XXYLT1: variants seen among roughly 807,000 people sequenced by gnomAD.
The protein encoded by XXYLT1 is UDP-xylose:alpha-xyloside alpha-1,3-xylosyltransferase.
XXYLT1 carries 20 observed loss-of-function variants against 28.9 expected under a neutral mutation model. The ratio of observed to expected loss-of-function variants is 0.69; its 90% CI spans 0.49 to 1.00. The LOEUF (loss-of-function observed/expected upper bound fraction) is 1.00, where lower values mean the gene tolerates loss of function less well. Among genes scored for constraint, XXYLT1 ranks in the 50% least tolerant of loss-of-function variants. The pLI, the probability that XXYLT1 is intolerant of heterozygous loss-of-function variation, is 0.00. For missense variants in XXYLT1, 542 were observed against 560.1 expected (o/e 0.97, Z 0.33); for synonymous variants, 257 against 253.8 (o/e 1.01, Z -0.12).
chr3:195,080,527 C>T, intron 3 of XXYLT1, among the ~76,000 whole-genome samples: 1 of 139,734 alleles, frequency 7.2e-6, no homozygotes, highest in African/African-American at 2.7e-5. Flanking sequence ...TCCTCTTTCC[C>T]TGAATTTAAG....
At chr3:195,134,864 TGTGTGCGTGTGCGCGC>T (rs1369598407) in intron 3 of XXYLT1, among the ~76,000 whole-genome samples, 2 of 93,124 alleles carry the variant, frequency 2.1e-5, no homozygotes, top group African/African-American at 1.0e-4. Context: ...TGTGTGTGTG[TGTGTGCGTGTGCGCGC>T]GTGCGCGCAC....
intron 3 of XXYLT1, among the ~76,000 whole-genome samples, chr3:195,084,061 A>G (rs913389930): frequency 6.6e-6 from 1 of 152,158 alleles, no homozygotes; most frequent in East Asian, 1.9e-4. Flanking sequence ...ATGGTCACAC[A>G]TTCTGCCTTT....
At chr3:195,070,828 C>G (rs1714762455) in intron 3 of XXYLT1, among the ~76,000 whole-genome samples, 1 of 152,086 alleles carries the variant, frequency 6.6e-6, no homozygotes, top group South Asian at 2.1e-4. Flanking sequence ...GGGTGAAAGA[C>G]AGCTGTAGAA....
intron 2 of XXYLT1, among the ~76,000 whole-genome samples, chr3:195,201,954 G>A (rs765862909): frequency 5.3e-5 from 8 of 152,206 alleles, no homozygotes; most frequent in African/African-American, 1.2e-4. Context: ...CAAGGTGGGC[G>A]GATCATGAGG....
In XXYLT1 at chr3:195,078,364, T is replaced by C. The variant is rs1366712101; in HGVS notation, c.786-8253A>G. On this transcript the variant is annotated intron_variant, in intron 3 of 3. Coordinates refer to ENST00000310380, the MANE Select transcript of XXYLT1 (RefSeq NM_152531.5). The surrounding 1 kb of genome is among the most constrained non-coding windows in gnomAD (Gnocchi z 5.0). ...CTCACACTGACAGCCGAGAGGCCCG[T>C]AGCGAGTCAGGCCATGGGGGCCTTT... is the stretch of plus-strand genomic sequence containing the variant. Among the ~76,000 whole-genome samples the C allele has an allele frequency of 6.6e-6, 1 of 152,048 alleles. No individual in the cohort carries two copies. Among genetic ancestry groups the C allele is most frequent in the Non-Finnish European group, 1.5e-5 (1 of 68,000 alleles).
chr3:195,204,849 G>A (rs951083185), intron 2 of XXYLT1, among the ~76,000 whole-genome samples: 6 of 152,198 alleles, frequency 3.9e-5, no homozygotes, highest in African/African-American at 1.4e-4. Flanking sequence ...CTGTGACACT[G>A]TTTTCAGATA....
chr3:195,143,809 T>TATATAGATATAGATATATATAG (rs1719633093), intron 3 of XXYLT1, among the ~76,000 whole-genome samples: 1 of 101,102 alleles, frequency 9.9e-6, no homozygotes, highest in East Asian at 8.5e-4. Context: ...TAGATAGATA[T>TATATAGATATAGATATATATAG]ATATAGATAT....
rs1372192754 is a variant in XXYLT1, at chr3:195,180,810, G to A, written c.653-24229C>T. On this transcript the variant is annotated intron_variant, in intron 2 of 3. Transcript: ENST00000310380. This position sits in a 1 kb window ranked among gnomAD's most constrained non-coding sequence, Gnocchi z 5.8. ...CTCCTCGGGAGAAGCTCCAAGGCCTGTCCCTAGTCCTGCCTCAGGACTTTG... is the reference window on the plus strand; with the variant it reads ...CTCCTCGGGAGAAGCTCCAAGGCCTATCCCTAGTCCTGCCTCAGGACTTTG... Among the ~76,000 whole-genome samples the A allele has an allele frequency of 6.6e-6, 1 of 152,230 alleles. No homozygotes were observed. Among genetic ancestry groups the A allele is most frequent in the African/African-American group, 2.4e-5 (1 of 41,458 alleles).
rs930075310 is a variant in XXYLT1 at position 195,175,834 on chromosome 3, C to G, written c.653-19253G>C. ...GGAAGTGGCCTCGATTCCCGAGTCA[C>G]TGCTTAAAAGGAAGATGTCCTAGAA... On this transcript the variant is annotated intron_variant, in intron 2 of 3. Coordinates refer to ENST00000310380, the MANE Select transcript of XXYLT1 (RefSeq NM_152531.5). 2.9e-5 allele frequency: 41 copies of G among 1,411,798 alleles called. No individual in the cohort carries two copies. In the South Asian group the frequency reaches 6.0e-4, roughly 21 times the overall value. The allele number at this position is 1,411,798 out of a possible 1,614,324, so 87.5% of individuals were successfully genotyped here.
intron 1 of XXYLT1, among the ~76,000 whole-genome samples, chr3:195,261,597 A>G (rs985687408): frequency 6.6e-6 from 1 of 152,214 alleles, no homozygotes; most frequent in Admixed American, 6.5e-5. Context: ...GAAATGTCCA[A>G]ACCATGTCCT....
intron 3 of XXYLT1, among the ~76,000 whole-genome samples, chr3:195,113,677 C>A (rs1050000382): frequency 6.6e-6 from 1 of 152,152 alleles, no homozygotes; most frequent in African/African-American, 2.4e-5. Context: ...TCCACAAACA[C>A]CTACTCGGAG....
chr3:195,167,976 C>T (rs1396737103), intron 2 of XXYLT1, among the ~76,000 whole-genome samples: 1 of 152,206 alleles, frequency 6.6e-6, no homozygotes, highest in African/African-American at 2.4e-5. Flanking sequence ...CACTGCATAC[C>T]ACAGGCAGCA....
intron 1 of XXYLT1, among the ~76,000 whole-genome samples, chr3:195,231,278 G>GT (rs913010511): frequency 2.6e-5 from 4 of 151,728 alleles, no homozygotes; most frequent in Non-Finnish European, 4.4e-5. Context: ...TTTTTGTTTT[G>GT]TTTTTTGGTG....
intron 1 of XXYLT1, among the ~76,000 whole-genome samples, chr3:195,230,054 G>A (rs564089927): frequency 1.3e-5 from 2 of 152,276 alleles, no homozygotes; most frequent in South Asian, 2.1e-4. Flanking sequence ...GTTACTGCCT[G>A]TCTTTTGGAG....
At chr3:195,247,038 G>A (rs1307186311) in intron 1 of XXYLT1, among the ~76,000 whole-genome samples, 1 of 152,128 alleles carries the variant, frequency 6.6e-6, no homozygotes, top group Non-Finnish European at 1.5e-5. Flanking sequence ...TTGCACAGTG[G>A]GTAGAAGCAT....
chr3:195,112,514 C>CCACACACACA lies in XXYLT1; in HGVS notation c.786-42413_786-42404dup, dbSNP rs367884630. ...GACACATGCACACACCCACACACAC[C>CCACACACACA]CACACACACACACAGAGCCCCCAGC... On this transcript the variant is annotated intron_variant, in intron 3 of 3. Coordinates refer to ENST00000310380, the MANE Select transcript of XXYLT1 (RefSeq NM_152531.5). 8.7e-4 allele frequency among the ~76,000 whole-genome samples: 38 copies of CCACACACACA among 43,592 alleles called. 1 individual carries two copies. Among genetic ancestry groups the CCACACACACA allele is most frequent in the African/African-American group, 1.7e-3 (35 of 20,152 alleles). The allele number at this position is 43,592 out of a possible 152,430, so 28.6% of individuals were successfully genotyped here. A position where few individuals can be genotyped will look rare whatever the true frequency, so the allele number is the denominator to read the frequency against.
In XXYLT1 at chr3:195,133,678, T is replaced by C. The variant is rs1009286581; in HGVS notation, c.785+22771A>G. 2.0e-5 allele frequency among the ~76,000 whole-genome samples: 3 copies of C among 152,150 alleles called. No individual in the cohort carries two copies. Among genetic ancestry groups the C allele is most frequent in the Admixed American group, 2.0e-4 (3 of 15,268 alleles). ...CAACTTGTTGCCATGCAGCATTGTATACAGTCACGCACCACGTGACGACGT... is the reference window on the plus strand; with the variant it reads ...CAACTTGTTGCCATGCAGCATTGTACACAGTCACGCACCACGTGACGACGT... On this transcript the variant is annotated intron_variant, in intron 3 of 3. Transcript: ENST00000310380. This position sits in a 1 kb window ranked among gnomAD's most constrained non-coding sequence, Gnocchi z 4.4.
At chr3:195,234,697 G>T (rs1247786399) in intron 1 of XXYLT1, among the ~76,000 whole-genome samples, 1 of 152,106 alleles carries the variant, frequency 6.6e-6, no homozygotes, top group Non-Finnish European at 1.5e-5. Context: ...CTCTCTCCTG[G>T]CCTGTAAGGT....
At position 195,124,931 on chromosome 3, in the gene XXYLT1, A is replaced by G. The variant is rs1289505051; in HGVS notation, c.785+31518T>C. Among the ~76,000 whole-genome samples the G allele has an allele frequency of 6.6e-6, 1 of 152,204 alleles. No individual in the cohort carries two copies. The highest frequency in any genetic ancestry group is 1.5e-5 in the Non-Finnish European group (1 of 68,026). ...CGGGTGCACAAGGCTGTCCCGGGTT[A>G]TTTGAAGGACAGAGGGAAAAGAGCA... On this transcript the variant is annotated intron_variant, in intron 3 of 3. Coordinates refer to ENST00000310380, the MANE Select transcript of XXYLT1 (RefSeq NM_152531.5). The surrounding 1 kb of genome is among the most constrained non-coding windows in gnomAD (Gnocchi z 4.1).
Sources: gnomAD v4.1 joint callset for allele counts (sites outside exome capture counted in the v4.1 genomes callset) on GRCh38, gnomAD v4.1.1 for gene constraint, Gnocchi (gnomAD v3.1) non-coding constraint, MANE v1.5 for transcripts, NCBI Gene and HGNC (gene_info 2026-07-23, HGNC 2026-07-21) for gene names.